CHD6: variants seen among roughly 807,000 people sequenced by gnomAD.
CHD6 encodes chromodomain helicase DNA binding protein 6, also known as ATP-dependent chromatin remodeler CHD6.
CHD6 carries 50 observed loss-of-function variants against 276.9 expected under a neutral mutation model. The ratio of observed to expected loss-of-function variants is 0.18; its 90% CI spans 0.14 to 0.23. CHD6 has a LOEUF of 0.23. Ranked by LOEUF, CHD6 falls within the 10% of genes least tolerant of loss-of-function variation. CHD6 has a pLI of 1.00. For missense variants in CHD6, 2,564 were observed against 3,365.8 expected (o/e 0.76, Z 5.89); for synonymous variants, 1,173 against 1,229.3 (o/e 0.95, Z 0.96).
chr20:41,460,825 A>G (rs546864009), intron 17 of CHD6, among the ~76,000 whole-genome samples: 2 of 152,282 alleles, frequency 1.3e-5, no homozygotes, highest in East Asian at 3.9e-4. Context: ...TGGAGCTGTG[A>G]GAAGAGGGGC....
intron 3 of CHD6, among the ~76,000 whole-genome samples, 200 bp from the exon 4 acceptor site, chr20:41,515,152 C>T (rs551957102): frequency 3.3e-5 from 5 of 152,284 alleles, no homozygotes; most frequent in African/African-American, 1.2e-4. Flanking sequence ...CACTTTATTA[C>T]ACCCCATCAT....
chr20:41,572,776 A>G (rs2045432121), intron 1 of CHD6, among the ~76,000 whole-genome samples: 1 of 152,160 alleles, frequency 6.6e-6, no homozygotes, highest in Non-Finnish European at 1.5e-5. Context: ...ACCTTTACCA[A>G]TTAAATCTGA....
intron 12 of CHD6, among the ~76,000 whole-genome samples, chr20:41,488,958 TA>T (rs1464845157): frequency 6.6e-6 from 1 of 152,240 alleles, no homozygotes; most frequent in Non-Finnish European, 1.5e-5. Context: ...AAACCATGCA[TA>T]GTTTGAATGC....
chr20:41,593,306 A>G lies in CHD6; in HGVS notation c.-24+25034T>C, dbSNP rs563598302. Among the ~76,000 whole-genome samples the G allele has an allele frequency of 4.6e-5, 7 of 152,242 alleles. No individual in the cohort carries two copies. In the South Asian group the frequency reaches 8.3e-4, roughly 18 times the overall value. On this transcript the variant is annotated intron_variant, in intron 1 of 36. Transcript: ENST00000373233. ...AAATTATCTCCCTTGTGATGCTCAC[A>G]TGGCCTTTACACTTTGGTTTCTTTA...
chr20:41,556,740 A>AT (rs2045243157), intron 1 of CHD6, among the ~76,000 whole-genome samples: 1 of 152,190 alleles, frequency 6.6e-6, no homozygotes, highest in Non-Finnish European at 1.5e-5. Flanking sequence ...ACCCCACAAG[A>AT]TAACAAACGT....
Position 41,493,676 on chromosome 20 carries a change from G to A in CHD6, c.1180-4C>T, listed in dbSNP as rs1384486672. On this transcript the variant is annotated splice_polypyrimidine_tract_variant and splice_region_variant and intron_variant, in intron 9 of 36. Transcript: ENST00000373233. ...TCACCAGGTAATGTGTTACCTCCTGGTGGGAAAACAGGAAAGAAACTTAAT... is the reference window on the plus strand; with the variant it reads ...TCACCAGGTAATGTGTTACCTCCTGATGGGAAAACAGGAAAGAAACTTAAT... 3 of 1,612,998 alleles carry A rather than the reference G, an allele frequency of 1.9e-6. No individual in the cohort carries two copies. The highest frequency in any genetic ancestry group is 2.7e-5 in the African/African-American group (2 of 74,870).
At chr20:41,504,875 GT>G (rs1470845926) in intron 5 of CHD6, among the ~76,000 whole-genome samples, 1 of 151,864 alleles carries the variant, frequency 6.6e-6, no homozygotes, top group Non-Finnish European at 1.5e-5. Flanking sequence ...TTTATTTTAT[GT>G]TGGACACTGT....
At position 41,500,079 on chromosome 20, in the gene CHD6, A is replaced by C. The variant is rs912582461; in HGVS notation, c.853-722T>G. Among the ~76,000 whole-genome samples the C allele has an allele frequency of 5.3e-4, 80 of 152,058 alleles. 1 individual carries two copies. The highest frequency in any genetic ancestry group is 4.4e-5 in the Non-Finnish European group (3 of 68,016). ...CAGAGTATTTATAGTTAAAAACACA[A>C]AATGTTTAACATTCTTTCTAGAACC... On this transcript the variant is annotated intron_variant, in intron 5 of 36. Transcript: ENST00000373233.
At chr20:41,534,586 G>A (rs373708294) in intron 2 of CHD6, among the ~76,000 whole-genome samples, 7 of 151,468 alleles carry the variant, frequency 4.6e-5, no homozygotes, top group African/African-American at 7.3e-5. Flanking sequence ...TTGGGGGGGC[G>A]GGGGGCAGAT....
chr20:41,524,679 G>A (rs1239101828), intron 3 of CHD6, among the ~76,000 whole-genome samples: 2 of 152,128 alleles, frequency 1.3e-5, no homozygotes, highest in Non-Finnish European at 1.5e-5. Context: ...TCAACATTAA[G>A]CAATGGCTAC....
At chr20:41,493,999 A>G in intron 8 of CHD6, 55 bp from the exon 9 acceptor site, 1 of 1,296,886 alleles carries the variant, frequency 7.7e-7, no homozygotes. Flanking sequence ...CTCAAATCCA[A>G]CACCTAGGGT....
chr20:41,468,384 A>G (rs1014549962), intron 17 of CHD6, among the ~76,000 whole-genome samples: 1 of 152,176 alleles, frequency 6.6e-6, no homozygotes, highest in Non-Finnish European at 1.5e-5. Context: ...TGCTGGGATT[A>G]CAGGCATGAG....
At chr20:41,598,912 G>A (rs367678226) in intron 1 of CHD6, among the ~76,000 whole-genome samples, 9 of 152,028 alleles carry the variant, frequency 5.9e-5, no homozygotes, top group Admixed American at 2.0e-4. Flanking sequence ...GCATTTCGTC[G>A]ACTAAGCAAA....
At position 41,473,230 on chromosome 20, in the gene CHD6, C is replaced by T; in HGVS notation, c.2664+92G>A. 1 of 1,204,724 alleles carries T rather than the reference C, an allele frequency of 8.3e-7. No individual in the cohort carries two copies. The highest frequency in any genetic ancestry group is 1.2e-6 in the Non-Finnish European group (1 of 842,804). 74.6% of individuals were successfully genotyped at this position (1,204,724 alleles called of 1,614,324 possible). On this transcript the variant is annotated intron_variant, in intron 17 of 36. Transcript: ENST00000373233. This position sits in a 1 kb window ranked among gnomAD's most constrained non-coding sequence, Gnocchi z 4.1. ...ATCCAGCTGACACCATAGCATAGAG[C>T]ATCACGGATGCTCTGTAGCCAAGCC...
intron 17 of CHD6, among the ~76,000 whole-genome samples, chr20:41,467,726 C>G (rs538385459): frequency 3.5e-4 from 53 of 150,886 alleles, no homozygotes; most frequent in African/African-American, 1.3e-3. Context: ...TCAGATAAGT[C>G]AGTCAAGAAC....
At chr20:41,588,552 A>T (rs550677739) in intron 1 of CHD6, among the ~76,000 whole-genome samples, 1 of 152,300 alleles carries the variant, frequency 6.6e-6, no homozygotes, top group South Asian at 2.1e-4. Flanking sequence ...AGGTACAAAA[A>T]CCCATCTCAC....
chr20:41,424,985 G>C (rs779881714), intron 29 of CHD6, among the ~76,000 whole-genome samples, 193 bp downstream of exon 29: 2 of 152,212 alleles, frequency 1.3e-5, no homozygotes, highest in Non-Finnish European at 2.9e-5. Flanking sequence ...TAAAGACAGG[G>C]TGTTCCTAGA....
chr20:41,497,528 G>T, intron 7 of CHD6, 27 bp from the exon 8 acceptor site: 1 of 1,471,420 alleles, frequency 6.8e-7, no homozygotes, highest in East Asian at 2.3e-5. Context: ...AAATTGTCAG[G>T]CAAGCACATA....
At chr20:41,585,773 C>T (rs2045588069) in intron 1 of CHD6, among the ~76,000 whole-genome samples, 1 of 152,230 alleles carries the variant, frequency 6.6e-6, no homozygotes, top group Non-Finnish European at 1.5e-5. Flanking sequence ...TACAAGAAAC[C>T]ATCAACCAAA....
Sources: allele counts gnomAD v4.1 joint callset (sites outside exome capture counted in the v4.1 genomes callset), GRCh38; gene constraint gnomAD v4.1.1; non-coding constraint Gnocchi (gnomAD v3.1); transcripts MANE v1.5; gene names NCBI Gene and HGNC (gene_info 2026-07-23, HGNC 2026-07-21).